The following DCLRE1A variants were observed in gnomAD, a reference collection of about 807,000 sequenced individuals.
DCLRE1A encodes DNA cross-link repair 1A protein.
Under a neutral mutation model 91.9 loss-of-function variants are expected in DCLRE1A, and 64 were observed. The observed-to-expected ratio is 0.70, with a 90% CI of 0.57 to 0.86. The LOEUF (loss-of-function observed/expected upper bound fraction) is 0.86. Ranked by LOEUF, DCLRE1A falls within the 40% of genes least tolerant of loss-of-function variation. The pLI is 0.00. For synonymous variants in DCLRE1A, 416 were observed against 431.1 expected (o/e 0.96, Z 0.43); for missense variants, 1,145 against 1,213.3 (o/e 0.94, Z 0.84).
In DCLRE1A at chr10:113,847,898, T is replaced by C. The variant is rs555868167; in HGVS notation, c.2126-563A>G. Among the ~76,000 whole-genome samples the C allele has an allele frequency of 2.0e-5, 3 of 152,340 alleles. No homozygotes were observed. The South Asian group carries it at 6.2e-4, about 32-fold the overall frequency. ...TAATGAAGAAGAGGTTGAGAAATACTGTTCTAAAATGTGCTCATGCAAGAA... is the reference window on the plus strand; with the variant it reads ...TAATGAAGAAGAGGTTGAGAAATACCGTTCTAAAATGTGCTCATGCAAGAA... On this transcript the variant is annotated intron_variant, in intron 2 of 8. Transcript: ENST00000361384.
chr10:113,846,361 TA>T (rs749527865), intron 3 of DCLRE1A, among the ~76,000 whole-genome samples: 1 of 152,134 alleles, frequency 6.6e-6, no homozygotes, highest in Non-Finnish European at 1.5e-5. Context: ...CTGTGAAGAT[TA>T]AATCAAATTC....
Position 113,839,285 on chromosome 10 carries a change from A to G in DCLRE1A, c.2821-2082T>C, listed in dbSNP as rs188665942. 3.7e-3 allele frequency among the ~76,000 whole-genome samples: 504 copies of G among 135,684 alleles called. 2 individuals are homozygous for G. Among genetic ancestry groups the G allele is most frequent in the Middle Eastern group, 9.9e-3 (2 of 202 alleles). The allele number at this position is 135,684 out of a possible 152,430, so 89.0% of individuals were successfully genotyped here. ...GGTTGCAGTGAGCCAAGACCATGCC[A>G]CTGCACTCCAGCCTGGTGGACAGAG... On this transcript the variant is annotated intron_variant, in intron 7 of 8. Transcript: ENST00000361384.
chr10:113,849,760 C>T lies in DCLRE1A; in HGVS notation c.1345G>A (p.Glu449Lys), dbSNP rs749477090. 6.2e-7 allele frequency: 1 copy of T among 1,614,120 alleles called. No individual in the cohort carries two copies. Among genetic ancestry groups the T allele is most frequent in the Non-Finnish European group, 8.5e-7 (1 of 1,180,020 alleles). Residue 449 changes from glutamate to lysine, a missense_variant, in exon 2 of 9, where the codon GAA becomes AAA. Transcript: ENST00000361384. The stretch of plus-strand genomic sequence containing the variant: ...GAAACTTGATTGTAAACAGATGATT[C>T]TTCAATTACCTGTTTCTGTTTATTT... The part of the protein sequence containing the change: ...QSNKQKQVIE[E>K]SSVYNQVSLP...
intron 2 of DCLRE1A, among the ~76,000 whole-genome samples, chr10:113,848,273 C>T (rs1411356658): frequency 6.6e-6 from 1 of 151,874 alleles, no homozygotes; most frequent in African/African-American, 2.4e-5. Context: ...GCTGAGATCG[C>T]GCCACTGCAC....
Position 113,853,206 on chromosome 10 carries a change from G to A in DCLRE1A, c.-24C>T. 1 of 1,501,772 alleles carries A rather than the reference G, an allele frequency of 6.7e-7. No individual in the cohort carries two copies. The highest frequency in any genetic ancestry group is 2.3e-5 in the East Asian group (1 of 44,236). The allele number at this position is 1,501,772 out of a possible 1,614,324, so 93.0% of individuals were successfully genotyped here. A position where few individuals can be genotyped will look rare whatever the true frequency, so the allele number is the denominator to read the frequency against. ...ATGGCAAAATGATTTTATCATTCAA[G>A]AAGTATTAATCTTAAGTAAACTGAA... On this transcript the variant is annotated 5_prime_UTR_variant, in exon 1 of 9. Coordinates refer to ENST00000361384, the MANE Select transcript of DCLRE1A (RefSeq NM_014881.5).
In DCLRE1A at chr10:113,850,439, G is replaced by A. The variant is rs911978814; in HGVS notation, c.666C>T (p.Asn222=). The A allele has an allele frequency of 7.4e-6, 12 of 1,614,202 alleles. No individual in the cohort carries two copies. Among genetic ancestry groups the A allele is most frequent in the Non-Finnish European group, 1.0e-5 (12 of 1,180,034 alleles). ...TCAATAAGGGATCATTTGAAACCGA[G>A]TTATCAGTTTGGTTCTGATACGAAG... ...RWSSYQNQTD[N]SVSNDPLLMT... is the part of the protein sequence containing the mutation. Residue 222 remains asparagine (N), a synonymous_variant, in exon 2 of 9, where the codon AAC becomes AAT. Coordinates refer to ENST00000361384, the MANE Select transcript of DCLRE1A (RefSeq NM_014881.5).
chr10:113,845,488 A>G (rs2134660050), intron 4 of DCLRE1A, among the ~76,000 whole-genome samples, 197 bp downstream of exon 4: 1 of 152,346 alleles, frequency 6.6e-6, no homozygotes, highest in East Asian at 1.9e-4. Context: ...GGGTTAGATA[A>G]CATTTAGAAG....
chr10:113,850,642 ACT>A lies in DCLRE1A; in HGVS notation c.461_462del (p.Glu154ValfsTer3), dbSNP rs1016911233. On this transcript the variant is annotated frameshift_variant and splice_region_variant, in exon 2 of 9. Coordinates refer to ENST00000361384, the MANE Select transcript of DCLRE1A (RefSeq NM_014881.5). LOFTEE classifies it high-confidence loss of function. Reference protein sequence around the residue: ...CLDSPPRSETECPDGLLCTST... With the variant: ...CLDSPPRSETXCPDGLLCTST... ...GAGGTACACAGAAGACCATCAGGAC[ACT>A]CTGAAATTTTAATAAAGAAAAAATA... 2.5e-6 allele frequency: 4 copies of A among 1,571,584 alleles called. No homozygotes were observed. The highest frequency in any genetic ancestry group is 1.4e-5 in the African/African-American group (1 of 72,990).
intron 5 of DCLRE1A, among the ~76,000 whole-genome samples, chr10:113,843,350 G>T (rs1167018365): frequency 2.0e-5 from 3 of 152,048 alleles, no homozygotes; most frequent in Non-Finnish European, 4.4e-5. Flanking sequence ...ACAAAAAAGG[G>T]TTTTTTTAAA....
At chr10:113,847,471 A>C in intron 2 of DCLRE1A, 136 bp from the exon 3 acceptor site, 1 of 1,003,878 alleles carries the variant, frequency 1.0e-6, no homozygotes, top group Admixed American at 3.3e-5. Flanking sequence ...ATATCACATA[A>C]ATTTAACAAA....
At chr10:113,848,194 G>A (rs984681525) in intron 2 of DCLRE1A, among the ~76,000 whole-genome samples, 1 of 151,942 alleles carries the variant, frequency 6.6e-6, no homozygotes, top group Non-Finnish European at 1.5e-5. Context: ...GCGGGTGCCT[G>A]TAGTCCCAGC....
Position 113,849,960 on chromosome 10 carries a change from T to C in DCLRE1A, c.1145A>G (p.Asn382Ser), listed in dbSNP as rs745724666. The C allele has an allele frequency of 6.2e-7, 1 of 1,614,154 alleles. No homozygotes were observed. The highest frequency in any genetic ancestry group is 8.5e-7 in the Non-Finnish European group (1 of 1,180,034). ...TTGAGAAATAGGTTGAGACAAATCATTTAGACTATTGAATCTATACAATCC... is the reference window on the plus strand; with the variant it reads ...TTGAGAAATAGGTTGAGACAAATCACTTAGACTATTGAATCTATACAATCC... ...DEGLYRFNSLNDLSQPISQNN... is the reference protein window; with the variant it reads ...DEGLYRFNSLSDLSQPISQNN... The change falls in exon 2 of 9, where the codon AAT becomes AGT. Residue 382 changes from asparagine (N) to serine (S), a missense_variant. By Grantham distance (46) the Asn-to-Ser change is conservative (BLOSUM62 1). Transcript: ENST00000361384.
At chr10:113,851,556 T>G (rs1845650995) in intron 1 of DCLRE1A, among the ~76,000 whole-genome samples, 1 of 152,174 alleles carries the variant, frequency 6.6e-6, no homozygotes, top group African/African-American at 2.4e-5. Context: ...CATTAAATAC[T>G]TATTACATAT....
chr10:113,840,413 C>T (rs766733139), intron 7 of DCLRE1A, among the ~76,000 whole-genome samples: 1 of 151,970 alleles, frequency 6.6e-6, no homozygotes, highest in Non-Finnish European at 1.5e-5. Context: ...TGCATCAGAA[C>T]GCAGTCTGTA....
At chr10:113,844,809 G>A (rs1335165708) in intron 4 of DCLRE1A, among the ~76,000 whole-genome samples, 7 of 151,968 alleles carry the variant, frequency 4.6e-5, no homozygotes, top group Non-Finnish European at 8.8e-5. Flanking sequence ...GGTGGTGTGC[G>A]CCTGTAATCC....
intron 2 of DCLRE1A, among the ~76,000 whole-genome samples, chr10:113,847,809 G>A (rs528238366): frequency 2.6e-5 from 4 of 151,152 alleles, no homozygotes; most frequent in South Asian, 2.1e-4. Flanking sequence ...CTGCACAGTC[G>A]AACTAGAGGA....
chr10:113,847,449 A>G, intron 2 of DCLRE1A, 114 bp from the exon 3 acceptor site: 4 of 1,204,976 alleles, frequency 3.3e-6, no homozygotes, highest in East Asian at 2.6e-5. Flanking sequence ...ATTTAACTAT[A>G]TTTAAAAACT....
chr10:113,842,533 G>A (rs772434158), intron 5 of DCLRE1A, 45 bp from the exon 6 acceptor site: 11 of 1,583,502 alleles, frequency 6.9e-6, no homozygotes, highest in Admixed American at 1.8e-5. Context: ...CAATAAAAAA[G>A]CCATCACCTT....
At position 113,849,058 on chromosome 10, in the gene DCLRE1A, C is replaced by G. The variant is rs1845591767; in HGVS notation, c.2047G>C (p.Gly683Arg). Residue 683 changes from glycine (G) to arginine (R), a missense_variant, in exon 2 of 9, where the codon GGC (glycine) becomes CGC (arginine). Coordinates refer to ENST00000361384, the MANE Select transcript of DCLRE1A (RefSeq NM_014881.5). ...TKSAHGGLQR[G>R]NKKIPESSNV... ...GATGACTCTGGGATTTTCTTGTTGC[C>G]CCTTTGCAGCCCACCATGAGCTGAT... The G allele has an allele frequency of 6.2e-7, 1 of 1,613,922 alleles. No homozygotes were observed. Among genetic ancestry groups the G allele is most frequent in the Non-Finnish European group, 8.5e-7 (1 of 1,179,994 alleles).
Sources: gnomAD v4.1 joint callset for allele counts (sites outside exome capture counted in the v4.1 genomes callset) on GRCh38, gnomAD v4.1.1 for gene constraint, MANE v1.5 for transcripts, NCBI Gene and HGNC (gene_info 2026-07-23, HGNC 2026-07-21) for gene names.